MAST4: variants seen among roughly 807,000 people sequenced by gnomAD.
The protein encoded by MAST4 is microtubule-associated serine/threonine-protein kinase 4.
MAST4 carries 89 observed loss-of-function variants against 162.7 expected under a neutral mutation model. That is an observed-to-expected ratio of 0.55 (90% confidence interval 0.46 to 0.65). The LOEUF is 0.65. Among genes scored for constraint, MAST4 ranks in the 30% least tolerant of loss-of-function variants. The probability of loss-of-function intolerance (pLI) is 0.00; values close to 1 mark genes in which losing one functional copy is unlikely to be tolerated. For missense variants in MAST4, 3,153 were observed against 3,374.0 expected (o/e 0.93, Z 1.62); for synonymous variants, 1,479 against 1,361.1 (o/e 1.09, Z -1.91).
intron 3 of MAST4, among the ~76,000 whole-genome samples, chr5:66,832,510 C>T (rs183025031): frequency 2.0e-5 from 3 of 152,168 alleles, no homozygotes; most frequent in East Asian, 1.9e-4. Flanking sequence ...TCTGATTTTC[C>T]GCTGGCCTTG....
intron 4 of MAST4, among the ~76,000 whole-genome samples, chr5:67,024,314 T>C (rs1468219786): frequency 2.8e-5 from 4 of 140,790 alleles, no homozygotes; most frequent in East Asian, 2.0e-4. Context: ...AAGGAAGATA[T>C]ATATATATAT....
Position 67,166,263 on chromosome 5 carries a change from G to A in MAST4, c.7084G>A (p.Ala2362Thr). The change falls in exon 29 of 29, where the codon GCC becomes ACC. Residue 2362 changes from alanine (A) to threonine (T), a missense_variant. Ala to Thr is a moderately conservative substitution (Grantham distance 58, BLOSUM62 0). This residue lies in a region of MAST4 where 1,644 missense variants were observed against 1,495.0 expected (regional missense o/e 1.10). Transcript: ENST00000403625. ...RQTDKSPSQP[A>T]ANTDRRAEGK... ...GACAGACAAAAGCCCGAGTCAGCCG[G>A]CCGCCAACACCGACAGAAGGGCGGA... 6.4e-7 allele frequency: 1 copy of A among 1,554,040 alleles called. No homozygotes were observed. Among genetic ancestry groups the A allele is most frequent in the Non-Finnish European group, 8.7e-7 (1 of 1,148,262 alleles).
chr5:66,838,697 T>A (rs1185310769), intron 3 of MAST4, among the ~76,000 whole-genome samples: 1 of 152,154 alleles, frequency 6.6e-6, no homozygotes, highest in Non-Finnish European at 1.5e-5. Flanking sequence ...TGGTGAAGGA[T>A]GAACAGGTAC....
intron 11 of MAST4, among the ~76,000 whole-genome samples, chr5:67,113,446 C>T (rs186249748): frequency 1.3e-5 from 2 of 150,886 alleles, no homozygotes; most frequent in Admixed American, 6.6e-5. Flanking sequence ...CACATACACA[C>T]AAAAAATTAA....
intron 1 of MAST4, among the ~76,000 whole-genome samples, chr5:66,623,837 T>G (rs560356196): frequency 2.1e-4 from 32 of 152,306 alleles, no homozygotes; most frequent in African/African-American, 7.7e-4. Flanking sequence ...TGTTTGCAGG[T>G]GTCATGATCA....
chr5:67,125,667 G>A (rs772719929), intron 14 of MAST4, among the ~76,000 whole-genome samples: 2 of 152,102 alleles, frequency 1.3e-5, no homozygotes, highest in African/African-American at 4.8e-5. Context: ...GGGCATTTGG[G>A]TTGGTTCCAA....
intron 1 of MAST4, among the ~76,000 whole-genome samples, chr5:66,753,295 T>G (rs957418999): frequency 1.3e-5 from 2 of 151,714 alleles, no homozygotes; most frequent in African/African-American, 4.8e-5. Context: ...AAGAAATAAC[T>G]AAAATCGAGC....
intron 4 of MAST4, among the ~76,000 whole-genome samples, chr5:67,050,981 A>G (rs1345446123): frequency 6.6e-6 from 1 of 152,172 alleles, no homozygotes; most frequent in Admixed American, 6.5e-5. Flanking sequence ...AATAGCTGCA[A>G]TTTGAGTTCA....
intron 11 of MAST4, among the ~76,000 whole-genome samples, chr5:67,112,046 GT>G (rs200285215): frequency 0.022 from 3,179 of 145,164 alleles, 116 homozygotes; most frequent in African/African-American, 0.073. Context: ...CTTGCAGCAA[GT>G]TTTTTTTTTT....
intron 8 of MAST4, among the ~76,000 whole-genome samples, chr5:67,102,178 T>A (rs1216203809): frequency 2.6e-5 from 4 of 152,112 alleles, no homozygotes; most frequent in East Asian, 1.9e-4. Flanking sequence ...CTATCCTATT[T>A]TATTTTATTT....
intron 4 of MAST4, among the ~76,000 whole-genome samples, chr5:67,012,868 T>C (rs1038896074): frequency 2.0e-5 from 3 of 152,208 alleles, no homozygotes; most frequent in African/African-American, 7.2e-5. Flanking sequence ...GACATGCCTA[T>C]TTGAGAAGGT....
intron 1 of MAST4, among the ~76,000 whole-genome samples, chr5:66,645,853 CCTTT>C (rs1334221074): frequency 7.9e-5 from 12 of 152,288 alleles, no homozygotes; most frequent in African/African-American, 2.4e-4. Context: ...GTCCATTCCA[CCTTT>C]CTTTCCTTTT....
intron 5 of MAST4, among the ~76,000 whole-genome samples, chr5:67,070,919 C>G (rs921985392): frequency 2.0e-5 from 3 of 152,216 alleles, no homozygotes; most frequent in Admixed American, 6.5e-5. Context: ...GCATTTTGTG[C>G]TGATCAGAGC....
intron 2 of MAST4, among the ~76,000 whole-genome samples, chr5:66,773,121 C>T (rs1267495234): frequency 1.3e-5 from 2 of 152,132 alleles, no homozygotes; most frequent in East Asian, 3.9e-4. Flanking sequence ...TTTAACTTCC[C>T]AGTTGGAAAC....
chr5:66,747,549 G>T (rs534012466), intron 1 of MAST4, among the ~76,000 whole-genome samples: 1 of 152,278 alleles, frequency 6.6e-6, no homozygotes, highest in Admixed American at 6.5e-5. Flanking sequence ...CAAATTATTT[G>T]CTTACCAAAC....
chr5:66,938,396 C>G (rs944029515), intron 4 of MAST4, among the ~76,000 whole-genome samples: 23 of 152,178 alleles, frequency 1.5e-4, no homozygotes, highest in African/African-American at 5.3e-4. Flanking sequence ...TCTTGCTATC[C>G]AGAAAGAGAA....
chr5:66,872,155 G>C (rs1385815605), intron 3 of MAST4, among the ~76,000 whole-genome samples: 2 of 49,216 alleles, frequency 4.1e-5, no homozygotes, highest in South Asian at 1.1e-3. Context: ...TAAATTTTTT[G>C]TTTGTTTGTT....
At chr5:66,820,340 A>G (rs937753069) in intron 3 of MAST4, among the ~76,000 whole-genome samples, 3 of 152,250 alleles carry the variant, frequency 2.0e-5, no homozygotes, top group Admixed American at 6.5e-5. Context: ...TCTTCAGTAA[A>G]TATACATGTT....
chr5:66,936,473 TA>T (rs1160072559), intron 4 of MAST4, among the ~76,000 whole-genome samples: 2 of 152,074 alleles, frequency 1.3e-5, no homozygotes, highest in African/African-American at 2.4e-5. Context: ...GGAAGGGAGA[TA>T]GGGGTGGGGC....
Sources: allele counts gnomAD v4.1 joint callset (sites outside exome capture counted in the v4.1 genomes callset), GRCh38; gene constraint gnomAD v4.1.1; regional missense constraint gnomAD v4.1.1; transcripts MANE v1.5; gene names NCBI Gene and HGNC (gene_info 2026-07-23, HGNC 2026-07-21).